The following RARS2 variants were observed in gnomAD, a reference collection of about 807,000 sequenced individuals.
RARS2 encodes arginyl-tRNA synthetase 2, mitochondrial, also known as probable arginine--tRNA ligase, mitochondrial.
In RARS2, 67 loss-of-function variants were observed where a neutral mutation model predicts 88.5. The ratio of observed to expected loss-of-function variants is 0.76; its 90% CI spans 0.62 to 0.93. RARS2 has a LOEUF of 0.93. Ranked by LOEUF, RARS2 falls within the 40% of genes least tolerant of loss-of-function variation. The pLI is 0.00. For missense variants in RARS2, 664 were observed against 684.2 expected, an observed-to-expected ratio of 0.97 and a Z score of 0.33; for synonymous variants, 239 against 230.3, an observed-to-expected ratio of 1.04 and a Z score of -0.34.
chr6:87,527,406 C>T (rs527887711), intron 10 of RARS2, among the ~76,000 whole-genome samples: 5 of 152,230 alleles, frequency 3.3e-5, no homozygotes, highest in African/African-American at 4.8e-5. Flanking sequence ...TATCTCTCAC[C>T]ATGTACAAAA....
At chr6:87,555,265 T>C in intron 5 of RARS2, 143 bp downstream of exon 5, 1 of 631,468 alleles carries the variant, frequency 1.6e-6, no homozygotes, top group Non-Finnish European at 2.8e-6. Flanking sequence ...ATTGATTCAC[T>C]GTGATTTCAA....
intron 11 of RARS2, among the ~76,000 whole-genome samples, chr6:87,523,736 A>C (rs1374838430): frequency 6.6e-6 from 1 of 152,212 alleles, no homozygotes; most frequent in Non-Finnish European, 1.5e-5. Context: ...ATAGTTACAG[A>C]GCCTCTGTTC....
chr6:87,529,346 C>T (rs1477018842), intron 10 of RARS2, among the ~76,000 whole-genome samples, 196 bp downstream of exon 10: 1 of 152,122 alleles, frequency 6.6e-6, no homozygotes, highest in African/African-American at 2.4e-5. Flanking sequence ...CAAGTAACAT[C>T]CTTTCTCCAA....
intron 1 of RARS2, among the ~76,000 whole-genome samples, chr6:87,571,429 A>G (rs1769689167): frequency 1.3e-5 from 2 of 152,154 alleles, no homozygotes; most frequent in African/African-American, 2.4e-5. Flanking sequence ...AGAACAGACT[A>G]ATACACATAT....
At chr6:87,545,555 C>T (rs1053833311) in intron 7 of RARS2, 61 bp downstream of exon 7, 3 of 1,604,282 alleles carry the variant, frequency 1.9e-6, no homozygotes, top group African/African-American at 1.3e-5. Context: ...CTGTCCAGAT[C>T]AAAGTTTTTA....
intron 8 of RARS2, 55 bp downstream of exon 8, chr6:87,541,863 T>C: frequency 1.5e-6 from 2 of 1,302,458 alleles, no homozygotes; most frequent in South Asian, 1.2e-5. Flanking sequence ...AAAAACATGT[T>C]ACTAAGCTAC....
At chr6:87,529,345 T>A (rs1734511331) in intron 10 of RARS2, among the ~76,000 whole-genome samples, 197 bp downstream of exon 10, 1 of 152,198 alleles carries the variant, frequency 6.6e-6, no homozygotes, top group African/African-American at 2.4e-5. Context: ...ACAAGTAACA[T>A]CCTTTCTCCA....
chr6:87,587,759 T>C (rs1775599762), intron 1 of RARS2, among the ~76,000 whole-genome samples: 1 of 152,204 alleles, frequency 6.6e-6, no homozygotes, highest in Non-Finnish European at 1.5e-5. Flanking sequence ...ATATTAGTTC[T>C]TGTTTCTCCA....
At chr6:87,585,172 T>C (rs1269261647) in intron 1 of RARS2, among the ~76,000 whole-genome samples, 10 of 152,202 alleles carry the variant, frequency 6.6e-5, no homozygotes, top group Non-Finnish European at 1.3e-4. Flanking sequence ...TCAGTGAAGC[T>C]GCATATTTTA....
intron 2 of RARS2, among the ~76,000 whole-genome samples, chr6:87,566,581 C>A (rs1763604749): frequency 6.6e-6 from 1 of 152,096 alleles, no homozygotes; most frequent in South Asian, 2.1e-4. Flanking sequence ...AACACAGTGG[C>A]TCAAGCCTGT....
At chr6:87,548,858 G>C (rs1193900976) in intron 5 of RARS2, among the ~76,000 whole-genome samples, 7 of 152,168 alleles carry the variant, frequency 4.6e-5, no homozygotes. Context: ...GACTCCTGAA[G>C]TAATAGCATT....
At chr6:87,582,881 A>T (rs150436915) in intron 1 of RARS2, among the ~76,000 whole-genome samples, 110 of 152,370 alleles carry the variant, frequency 7.2e-4, no homozygotes, top group Middle Eastern at 3.4e-3. Context: ...CTATCAAGCT[A>T]TGCAGATGTA....
At chr6:87,562,945 T>C (rs1281860530) in intron 3 of RARS2, among the ~76,000 whole-genome samples, 160 bp from the exon 4 acceptor site, 1 of 152,208 alleles carries the variant, frequency 6.6e-6, no homozygotes, top group Non-Finnish European at 1.5e-5. Context: ...AGTTCCATAC[T>C]TCTATTTAAG....
Position 87,524,583 on chromosome 6 carries a change from A to G in RARS2, c.948T>C (p.Ser316=). The part of the protein sequence containing the change: ...DPSSICTVMR[S]DGTSLYATRD... ...TGGTTGCATAGAGAGAAGTCCCATC[A>G]CTTCGCATTACAGTACAAATTGAGG... Residue 316 remains serine (S), a synonymous_variant, in exon 11 of 20, where the codon AGT becomes AGC. Coordinates refer to ENST00000369536, the MANE Select transcript of RARS2 (RefSeq NM_020320.5). The G allele has an allele frequency of 6.2e-7, 1 of 1,612,902 alleles. No individual in the cohort carries two copies. Among genetic ancestry groups the G allele is most frequent in the East Asian group, 2.2e-5 (1 of 44,858 alleles).
intron 7 of RARS2, among the ~76,000 whole-genome samples, chr6:87,543,706 A>G (rs1781754115): frequency 6.6e-6 from 1 of 152,186 alleles, no homozygotes; most frequent in Non-Finnish European, 1.5e-5. Context: ...AAAGGGCTTT[A>G]CTGATACACA....
chr6:87,548,606 G>A lies in RARS2; in HGVS notation c.436C>T (p.Arg146Cys), dbSNP rs768479877. Reference protein sequence around the residue: ...VAKKFHVGHLRSTIIGNFIAN... With the variant: ...VAKKFHVGHLCSTIIGNFIAN... ...AAACACTTACCTATGATGGTAGAAC[G>A]CAAATGTCCAACATGAAATTTTTTG... The change falls in exon 6 of 20, where the codon CGT (arginine) becomes TGT (cysteine). Residue 146 changes from arginine to cysteine, a missense_variant. Arg to Cys is a radical substitution (Grantham distance 180, BLOSUM62 -3). Transcript: ENST00000369536. The A allele has an allele frequency of 3.7e-6, 6 of 1,612,660 alleles. No homozygotes were observed. The highest frequency in any genetic ancestry group is 5.1e-6 in the Non-Finnish European group (6 of 1,179,396).
At chr6:87,561,995 C>T (rs543625239) in intron 4 of RARS2, among the ~76,000 whole-genome samples, 2 of 152,270 alleles carry the variant, frequency 1.3e-5, no homozygotes, top group East Asian at 1.9e-4. Flanking sequence ...GACAAGGTCT[C>T]GCTCTGTCAC....
At chr6:87,520,065 C>T in intron 13 of RARS2, 115 bp downstream of exon 13, 1 of 905,084 alleles carries the variant, frequency 1.1e-6, no homozygotes, top group East Asian at 2.4e-5. Flanking sequence ...TCTACCTTTC[C>T]ACACCAGTAT....
intron 1 of RARS2, among the ~76,000 whole-genome samples, chr6:87,579,718 T>TG (rs1772821638): frequency 8.6e-5 from 5 of 58,270 alleles, no homozygotes; most frequent in Non-Finnish European, 1.2e-4. Flanking sequence ...AGAGCATGTT[T>TG]TTTTTTTTTT....
Sources: gnomAD v4.1 joint callset for allele counts (sites outside exome capture counted in the v4.1 genomes callset) on GRCh38, gnomAD v4.1.1 for gene constraint, MANE v1.5 for transcripts, NCBI Gene and HGNC (gene_info 2026-07-23, HGNC 2026-07-21) for gene names.